The following RAP1B variants were observed in gnomAD, a reference collection of about 807,000 sequenced individuals.
RAP1B encodes ras-related protein Rap-1b.
RAP1B carries 1 observed loss-of-function variant against 27.5 expected under a neutral mutation model. That is an observed-to-expected ratio of 0.04 (90% CI 0.01 to 0.17). The LOEUF is 0.17. Ranked by LOEUF, RAP1B falls within the 10% of genes least tolerant of loss-of-function variation. The probability of loss-of-function intolerance (pLI) is 1.00; values close to 1 mark genes in which losing one functional copy is unlikely to be tolerated. For synonymous variants in RAP1B, 75 were observed against 73.1 expected (o/e 1.03, Z -0.13); for missense variants, 84 against 214.8 (o/e 0.39, Z 3.81).
chr12:68,649,031 A>G (rs1873624004), intron 2 of RAP1B: 3 of 419,916 alleles, frequency 7.1e-6, no homozygotes, highest in African/African-American at 2.1e-5. Context: ...AGAGATTGAG[A>G]GCGTACAAAT....
chr12:68,630,210 G>T (rs545506187), intron 1 of RAP1B, among the ~76,000 whole-genome samples: 5 of 152,290 alleles, frequency 3.3e-5, no homozygotes, highest in African/African-American at 9.6e-5. Flanking sequence ...CCAGGCTCTA[G>T]CCTATAGTGC....
rs1255029473 is a variant in RAP1B at position 68,666,826 on chromosome 12, AC to A, written c.*7580del. 6.6e-6 allele frequency: 1 copy of A among 152,128 alleles called. No homozygotes were observed. The highest frequency in any genetic ancestry group is 1.5e-5 in the Non-Finnish European group (1 of 68,020). The allele number at this position is 152,128 out of a possible 1,614,324, so 9.4% of individuals were successfully genotyped here. A position where few individuals can be genotyped will look rare whatever the true frequency, so the allele number is the denominator to read the frequency against. On this transcript the variant is annotated 3_prime_UTR_variant, in exon 8 of 8. Coordinates refer to ENST00000250559, the MANE Select transcript of RAP1B (RefSeq NM_001010942.3). ...AAAACATTCTGAACTGAATCAGCAG[AC>A]CCTCAGGTCTCCCTAGAGAGATCCT...
intron 5 of RAP1B, 58 bp from the exon 6 acceptor site, chr12:68,656,248 T>A: frequency 7.0e-7 from 1 of 1,437,214 alleles, no homozygotes; most frequent in Non-Finnish European, 9.6e-7. Context: ...ATTCTTTTGA[T>A]TTGAATTCAT....
intron 3 of RAP1B, among the ~76,000 whole-genome samples, chr12:68,651,409 C>G (rs1873807042): frequency 6.6e-6 from 1 of 152,074 alleles, no homozygotes; most frequent in African/African-American, 2.4e-5. Context: ...ACTTTTGCAC[C>G]CCAGCTGTGA....
intron 1 of RAP1B, among the ~76,000 whole-genome samples, chr12:68,645,928 A>G (rs1209169281): frequency 1.3e-5 from 2 of 152,218 alleles, no homozygotes; most frequent in Non-Finnish European, 2.9e-5. Context: ...AGAAAATATC[A>G]TGTATTCATG....
intron 1 of RAP1B, among the ~76,000 whole-genome samples, chr12:68,632,716 C>G (rs908011137): frequency 6.6e-6 from 1 of 152,060 alleles, no homozygotes; most frequent in Non-Finnish European, 1.5e-5. Flanking sequence ...TTGACCACAA[C>G]AGTGGTGTCT....
rs1034729619 is a variant in RAP1B at position 68,659,926 on chromosome 12, C to CTT, written c.*678_*679dup. ...GGAAATGTCCAGACTTTTCAAATCTCTTATTATATGTTTCCTTTTTTTGTT... is the reference window on the plus strand; with the variant it reads ...GGAAATGTCCAGACTTTTCAAATCTCTTTTATTATATGTTTCCTTTTTTTGTT... On this transcript the variant is annotated 3_prime_UTR_variant, in exon 8 of 8. Coordinates refer to ENST00000250559, the MANE Select transcript of RAP1B (RefSeq NM_001010942.3). 3 of 150,096 alleles carry CTT rather than the reference C, an allele frequency of 2.0e-5. No individual in the cohort carries two copies. Among genetic ancestry groups the CTT allele is most frequent in the Admixed American group, 2.0e-4 (3 of 15,024 alleles). The allele number at this position is 150,096 out of a possible 1,614,324, so 9.3% of individuals were successfully genotyped here.
Position 68,663,970 on chromosome 12 carries a change from A to C in RAP1B, c.*4721A>C, listed in dbSNP as rs1324430327. 4 of 152,074 alleles carry C rather than the reference A, an allele frequency of 2.6e-5. No individual in the cohort carries two copies. The highest frequency in any genetic ancestry group is 7.2e-5 in the African/African-American group (3 of 41,416). The allele number at this position is 152,074 out of a possible 1,614,324, so 9.4% of individuals were successfully genotyped here. A position where few individuals can be genotyped will look rare whatever the true frequency, so the allele number is the denominator to read the frequency against. On this transcript the variant is annotated 3_prime_UTR_variant, in exon 8 of 8. Coordinates refer to ENST00000250559, the MANE Select transcript of RAP1B (RefSeq NM_001010942.3). ...TGAGCTGTCATTTTTCATATATATA[A>C]ATTTTTTTATTCATAGGTAATCTAA...
chr12:68,633,105 T>C lies in RAP1B; in HGVS notation c.-26-15594T>C, dbSNP rs184042103. ...ATTTTTTTCTGTTCCTATTTCTATT[T>C]CTCATAAGCTGGGAAAAACATCATC... is the stretch of plus-strand genomic sequence containing the variant. On this transcript the variant is annotated intron_variant, in intron 1 of 7. Transcript: ENST00000250559. Among the ~76,000 whole-genome samples the C allele has an allele frequency of 2.4e-3, 359 of 152,320 alleles. 1 individual carries two copies. Among genetic ancestry groups the C allele is most frequent in the Non-Finnish European group, 3.4e-3 (232 of 68,020 alleles).
intron 1 of RAP1B, among the ~76,000 whole-genome samples, chr12:68,611,767 ATCTCTT>A (rs941956551): frequency 1.3e-5 from 2 of 152,116 alleles, no homozygotes; most frequent in African/African-American, 4.8e-5. Context: ...GCAAGAGGAA[ATCTCTT>A]TCTCTTAGAG....
intron 1 of RAP1B, among the ~76,000 whole-genome samples, chr12:68,645,073 C>T (rs905259203): frequency 2.6e-5 from 4 of 152,198 alleles, no homozygotes; most frequent in Non-Finnish European, 4.4e-5. Flanking sequence ...ACATTTCTTT[C>T]CTTATTCTTT....
chr12:68,615,844 A>G (rs1018773788), intron 1 of RAP1B, among the ~76,000 whole-genome samples: 1 of 152,146 alleles, frequency 6.6e-6, no homozygotes, highest in Non-Finnish European at 1.5e-5. Flanking sequence ...TTTTAGCTGA[A>G]TTCTGGTTTC....
chr12:68,653,673 A>T (rs1164029617), intron 4 of RAP1B, among the ~76,000 whole-genome samples: 1 of 152,158 alleles, frequency 6.6e-6, no homozygotes, highest in Non-Finnish European at 1.5e-5. Context: ...TCACGCCTGT[A>T]ATCCCAGCAC....
intron 1 of RAP1B, among the ~76,000 whole-genome samples, chr12:68,646,209 T>C (rs192910776): frequency 6.6e-6 from 1 of 152,314 alleles, no homozygotes; most frequent in African/African-American, 2.4e-5. Context: ...TTTAAAATTG[T>C]AGTTTTTATG....
At chr12:68,657,308 G>T in intron 7 of RAP1B, 91 bp downstream of exon 7, 3 of 737,898 alleles carry the variant, frequency 4.1e-6, no homozygotes, top group South Asian at 2.0e-5. Context: ...TCTTTTTGTT[G>T]GTTCTGAAAA....
chr12:68,616,583 A>C lies in RAP1B; in HGVS notation c.-27+5540A>C, dbSNP rs568174208. ...GCCTTAGCTAGTACTACAGGCGCAC[A>C]CCACCGCACCCAGCTAAGTTTTGTA... On this transcript the variant is annotated intron_variant, in intron 1 of 7. Transcript: ENST00000250559. 1.6e-4 allele frequency among the ~76,000 whole-genome samples: 24 copies of C among 151,118 alleles called. No individual in the cohort carries two copies. In the East Asian group the frequency reaches 4.7e-3, roughly 30 times the overall value.
At chr12:68,644,849 C>T (rs754839507) in intron 1 of RAP1B, among the ~76,000 whole-genome samples, 6 of 151,702 alleles carry the variant, frequency 4.0e-5, no homozygotes, top group East Asian at 2.0e-4. Flanking sequence ...CCACCACACC[C>T]GGCTAATTTT....
intron 5 of RAP1B, 123 bp from the exon 6 acceptor site, chr12:68,656,183 T>C: frequency 1.2e-6 from 1 of 823,598 alleles, no homozygotes; most frequent in Admixed American, 3.0e-5. Context: ...TTATTATACA[T>C]TATTTAATAT....
intron 1 of RAP1B, among the ~76,000 whole-genome samples, chr12:68,639,991 C>A (rs905111417): frequency 3.9e-5 from 6 of 152,072 alleles, no homozygotes; most frequent in Non-Finnish European, 5.9e-5. Context: ...CAGGCATGCA[C>A]CACCACAACC....
Sources: gnomAD v4.1 joint callset for allele counts (sites outside exome capture counted in the v4.1 genomes callset) on GRCh38, gnomAD v4.1.1 for gene constraint, MANE v1.5 for transcripts, NCBI Gene and HGNC (gene_info 2026-07-23, HGNC 2026-07-21) for gene names.